The following CIAPIN1 variants were observed in gnomAD, a reference collection of about 807,000 sequenced individuals.
The protein encoded by CIAPIN1 is cytokine induced apoptosis inhibitor 1.
Under a neutral mutation model 34.3 loss-of-function variants are expected in CIAPIN1, and 18 were observed. The observed-to-expected ratio is 0.52, with a 90% CI of 0.36 to 0.78. CIAPIN1 has a LOEUF of 0.78. Ranked by LOEUF, CIAPIN1 falls within the 30% of genes least tolerant of loss-of-function variation. The pLI, the probability that CIAPIN1 is intolerant of heterozygous loss-of-function variation, is 0.00. For synonymous variants in CIAPIN1, 131 were observed against 140.4 expected, an observed-to-expected ratio of 0.93 and a Z score of 0.47; for missense variants, 310 against 372.5, an observed-to-expected ratio of 0.83 and a Z score of 1.38.
intron 4 of CIAPIN1, among the ~76,000 whole-genome samples, chr16:57,434,881 T>C (rs1296892432): frequency 6.6e-6 from 1 of 152,194 alleles, no homozygotes; most frequent in Non-Finnish European, 1.5e-5. Flanking sequence ...TGTAAATACA[T>C]AGGAAAAGGT....
intron 4 of CIAPIN1, 45 bp downstream of exon 4, chr16:57,436,611 T>C (rs369424458): frequency 1.0e-4 from 145 of 1,409,392 alleles, no homozygotes; most frequent in Admixed American, 6.8e-5. Context: ...GCAATACTGA[T>C]TACCTCACCT....
rs1450948617 is a variant in CIAPIN1 at position 57,428,391 on chromosome 16, T to C, written c.*779A>G. ...AAATGCTCACCAACCTGGACTCTTC[T>C]AAAGTGGGCAGACAAGCCCTATTCT... On this transcript the variant is annotated 3_prime_UTR_variant, in exon 9 of 9. Coordinates refer to ENST00000394391, the MANE Select transcript of CIAPIN1 (RefSeq NM_020313.4). 1 of 152,168 alleles carries C rather than the reference T, an allele frequency of 6.6e-6. No homozygotes were observed. The highest frequency in any genetic ancestry group is 2.4e-5 in the African/African-American group (1 of 41,420). The allele number at this position is 152,168 out of a possible 1,614,324, so 9.4% of individuals were successfully genotyped here.
chr16:57,430,124 C>G (rs1165600611), intron 8 of CIAPIN1, 134 bp downstream of exon 8: 5 of 728,684 alleles, frequency 6.9e-6, no homozygotes, highest in Non-Finnish European at 1.2e-5. Context: ...CTCCCCATTA[C>G]TACCTACGTT....
Position 57,431,248 on chromosome 16 carries a change from C to G in CIAPIN1, c.649G>C (p.Glu217Gln), listed in dbSNP as rs747314396. Reference sequence around the variant, plus strand: ...TTCAAATCTTCTGGATCCAGCAGCTCATCTGAGTCAATGAGATCCTGGAGA... The same window carrying G: ...TTCAAATCTTCTGGATCCAGCAGCTGATCTGAGTCAATGAGATCCTGGAGA... ...DDSMDLIDSD[E>Q]LLDPEDLKKP... The change falls in exon 7 of 9, where the codon GAG (glutamate) becomes CAG (glutamine). Residue 217 changes from glutamate (E) to glutamine (Q), a missense_variant. Physicochemically the swap from Glu to Gln is conservative, Grantham distance 29. Coordinates refer to ENST00000394391, the MANE Select transcript of CIAPIN1 (RefSeq NM_020313.4). The G allele has an allele frequency of 1.2e-6, 2 of 1,612,860 alleles. No individual in the cohort carries two copies. Among genetic ancestry groups the G allele is most frequent in the Admixed American group, 3.3e-5 (2 of 60,010 alleles).
In CIAPIN1 at chr16:57,431,211, G is replaced by A; in HGVS notation, c.686C>T (p.Pro229Leu). The A allele has an allele frequency of 1.2e-6, 2 of 1,613,882 alleles. No individual in the cohort carries two copies. Among genetic ancestry groups the A allele is most frequent in the South Asian group, 2.2e-5 (2 of 91,074 alleles). ...ACAAGAAGCAGCCCGCAGGGAAGCT[G>A]GATCTGGCTTCTTCAAATCTTCTGG... ...LDPEDLKKPD[P>L]ASLRAASCGE... Residue 229 changes from proline (P) to leucine (L), a missense_variant, in exon 7 of 9, where the codon CCA (proline) becomes CTA (leucine). Physicochemically the swap from Pro to Leu is moderately conservative, Grantham distance 98. Transcript: ENST00000394391.
chr16:57,447,112 G>A (rs376511221), intron 1 of CIAPIN1, among the ~76,000 whole-genome samples: 1 of 152,360 alleles, frequency 6.6e-6, no homozygotes, highest in African/African-American at 2.4e-5. Context: ...GGCAGCCGGG[G>A]AACGGCAGAA....
chr16:57,431,424 T>G (rs1264516828), intron 6 of CIAPIN1, 158 bp from the exon 7 acceptor site: 7 of 530,396 alleles, frequency 1.3e-5, no homozygotes, highest in Non-Finnish European at 2.4e-5. Context: ...CCTGACCACA[T>G]GCTCAAGAGG....
At chr16:57,435,921 A>C (rs1213409955) in intron 4 of CIAPIN1, among the ~76,000 whole-genome samples, 1 of 152,272 alleles carries the variant, frequency 6.6e-6, no homozygotes, top group Non-Finnish European at 1.5e-5. Flanking sequence ...AAGATCAAAG[A>C]GTGTAGAAAT....
chr16:57,436,796 C>G, intron 3 of CIAPIN1, 64 bp from the exon 4 acceptor site: 1 of 1,382,358 alleles, frequency 7.2e-7, no homozygotes, highest in African/African-American at 1.4e-5. Context: ...AATAAAGGCT[C>G]AATCCTATAT....
chr16:57,440,457 C>T (rs949895696), intron 2 of CIAPIN1, among the ~76,000 whole-genome samples: 17 of 152,150 alleles, frequency 1.1e-4, no homozygotes, highest in South Asian at 2.1e-4. Flanking sequence ...GCTGGTTTTG[C>T]GGCTTGAGGG....
At chr16:57,441,499 T>C (rs1903331554) in intron 1 of CIAPIN1, 2 of 152,472 alleles carry the variant, frequency 1.3e-5, no homozygotes, top group Non-Finnish European at 2.9e-5. Context: ...TCAAGAATAC[T>C]TACTATGTCT....
chr16:57,430,079 C>T (rs981950111), intron 8 of CIAPIN1, among the ~76,000 whole-genome samples, 179 bp downstream of exon 8: 5 of 152,214 alleles, frequency 3.3e-5, no homozygotes, highest in East Asian at 1.9e-4. Flanking sequence ...AGCACAAGCA[C>T]GCTAACCCAC....
Position 57,432,626 on chromosome 16 carries a change from C to T in CIAPIN1, c.557-66G>A, listed in dbSNP as rs757839076. 1.2e-4 allele frequency: 173 copies of T among 1,413,714 alleles called. No individual in the cohort carries two copies. In the African/African-American group the frequency reaches 2.1e-3, roughly 17 times the overall value. 87.6% of individuals were successfully genotyped at this position (1,413,714 alleles called of 1,614,324 possible). On this transcript the variant is annotated intron_variant, in intron 5 of 8. Transcript: ENST00000394391. ...TCAGAAACTATTAATTACAAACATACATAAATGCTTCCTGCTGTGTAGAAG... is the reference window on the plus strand; with the variant it reads ...TCAGAAACTATTAATTACAAACATATATAAATGCTTCCTGCTGTGTAGAAG...
chr16:57,440,464 A>AG (rs1381154707), intron 2 of CIAPIN1, among the ~76,000 whole-genome samples: 5 of 152,102 alleles, frequency 3.3e-5, no homozygotes, highest in Admixed American at 1.3e-4. Context: ...TTGCGGCTTG[A>AG]GGGGCATCAC....
At chr16:57,433,488 A>AT (rs1903132291) in intron 5 of CIAPIN1, among the ~76,000 whole-genome samples, 2 of 152,188 alleles carry the variant, frequency 1.3e-5, no homozygotes, top group Admixed American at 6.5e-5. Context: ...CAATTCAGGC[A>AT]TTTAAAAATA....
chr16:57,442,889 C>A (rs1212824383), intron 1 of CIAPIN1, among the ~76,000 whole-genome samples: 2 of 152,072 alleles, frequency 1.3e-5, no homozygotes, highest in Non-Finnish European at 2.9e-5. Context: ...CCTGTATCTC[C>A]CACCATTCCA....
At chr16:57,439,144 C>T (rs370142810) in intron 3 of CIAPIN1, 38 bp downstream of exon 3, 1 of 1,609,914 alleles carries the variant, frequency 6.2e-7, no homozygotes, top group African/African-American at 1.3e-5. Context: ...TAAGACTCAA[C>T]CCTGTCAAAC....
intron 5 of CIAPIN1, chr16:57,433,829 A>G (rs1396953091): frequency 4.4e-6 from 2 of 452,128 alleles, no homozygotes; most frequent in Non-Finnish European, 8.2e-6. Context: ...GGTGCAGAAG[A>G]AGGAGCTGAA....
intron 3 of CIAPIN1, 55 bp downstream of exon 3, chr16:57,439,127 C>T: frequency 1.9e-6 from 3 of 1,588,984 alleles, no homozygotes; most frequent in Non-Finnish European, 2.6e-6. Flanking sequence ...ATGCAGCACA[C>T]ATACTCTAAG....
Sources: gnomAD v4.1 joint callset for allele counts (sites outside exome capture counted in the v4.1 genomes callset) on GRCh38, gnomAD v4.1.1 for gene constraint, MANE v1.5 for transcripts, NCBI Gene and HGNC (gene_info 2026-07-23, HGNC 2026-07-21) for gene names.